Variants in CDC123 observed in about 807,000 individuals in gnomAD.
CDC123 encodes the protein cell division cycle 123.
Under a neutral mutation model 54.4 loss-of-function variants are expected in CDC123, and 37 were observed. The observed-to-expected ratio is 0.68, with a 90% CI of 0.52 to 0.89. The LOEUF (loss-of-function observed/expected upper bound fraction) is 0.89, where lower values mean the gene tolerates loss of function less well. CDC123 is among the 40% of genes least tolerant of loss of function. The pLI, the probability that CDC123 is intolerant of heterozygous loss-of-function variation, is 0.00. For synonymous variants in CDC123, 144 were observed against 136.8 expected, an observed-to-expected ratio of 1.05 and a Z score of -0.37; for missense variants, 361 against 412.1, an observed-to-expected ratio of 0.88 and a Z score of 1.07.
chr10:12,227,385 ATTG>A (rs1206695383), intron 6 of CDC123, among the ~76,000 whole-genome samples: 12 of 152,054 alleles, frequency 7.9e-5, no homozygotes, highest in African/African-American at 2.9e-4. Flanking sequence ...CCTCTGGTCT[ATTG>A]TTCTCTTACA....
At chr10:12,216,844 A>T (rs1261599374) in intron 5 of CDC123, among the ~76,000 whole-genome samples, 1 of 152,188 alleles carries the variant, frequency 6.6e-6, no homozygotes, top group Non-Finnish European at 1.5e-5. Context: ...TGTATGAGAC[A>T]TTCACCATTT....
At chr10:12,248,747 G>A (rs956890441) in intron 11 of CDC123, among the ~76,000 whole-genome samples, 7 of 151,590 alleles carry the variant, frequency 4.6e-5, no homozygotes, top group African/African-American at 1.2e-4. Flanking sequence ...TGGAGGTTGC[G>A]ATGAGCTGAG....
rs2131771868 is a variant in CDC123, at chr10:12,246,282, A to G, written c.846+5A>G. ...GAAGTTGACGCTCAAGAGCAGGTAC[A>G]ACATTTTTAAGACAGATACAATGTA... On this transcript the variant is annotated splice_donor_5th_base_variant and intron_variant, in intron 11 of 12. Coordinates refer to ENST00000281141, the MANE Select transcript of CDC123 (RefSeq NM_006023.3). The G allele has an allele frequency of 6.2e-7, 1 of 1,614,052 alleles. No individual in the cohort carries two copies. Among genetic ancestry groups the G allele is most frequent in the Non-Finnish European group, 8.5e-7 (1 of 1,179,958 alleles).
chr10:12,231,133 T>A lies in CDC123; in HGVS notation c.489+137T>A, dbSNP rs183755337. The stretch of plus-strand genomic sequence containing the variant: ...CCTAAAGCCACTGAAATTTTAAATT[T>A]ATGAAATATACACATAAAAGGATAT... On this transcript the variant is annotated intron_variant, in intron 7 of 12. Transcript: ENST00000281141. The A allele has an allele frequency of 4.1e-4, 280 of 683,472 alleles. No individual in the cohort carries two copies. In the African/African-American group the frequency reaches 4.7e-3, roughly 11 times the overall value. 42.3% of individuals were successfully genotyped at this position (683,472 alleles called of 1,614,324 possible).
rs1358284438 is a variant in CDC123, at chr10:12,198,672, A to G, written c.75-33A>G. On this transcript the variant is annotated intron_variant, in intron 1 of 12. Transcript: ENST00000281141. The stretch of plus-strand genomic sequence containing the variant: ...TCTCTCTGCTTATAGTTGGTCTTTT[A>G]AAATGATGCCTTTTTTGGTGTTTTT... The G allele has an allele frequency of 4.1e-6, 5 of 1,231,638 alleles. No individual in the cohort carries two copies. The South Asian group carries it at 5.1e-5, about 13-fold the overall frequency. The allele number at this position is 1,231,638 out of a possible 1,614,324, so 76.3% of individuals were successfully genotyped here.
chr10:12,199,568 G>T (rs979027781), intron 2 of CDC123, among the ~76,000 whole-genome samples: 2 of 152,152 alleles, frequency 1.3e-5, no homozygotes, highest in African/African-American at 4.8e-5. Flanking sequence ...ATAAACATTT[G>T]TTGGATGAAG....
At chr10:12,227,497 C>CT (rs1230738222) in intron 6 of CDC123, among the ~76,000 whole-genome samples, 145 of 145,676 alleles carry the variant, frequency 1.0e-3, no homozygotes, top group Middle Eastern at 7.2e-3. Context: ...AATTTTCTGT[C>CT]TTTTTTTTTT....
chr10:12,211,250 C>G (rs113420840), intron 4 of CDC123, among the ~76,000 whole-genome samples: 23 of 152,164 alleles, frequency 1.5e-4, no homozygotes, highest in African/African-American at 5.6e-4. Flanking sequence ...CTTGAGTTGA[C>G]GGGAAAGTTT....
At chr10:12,230,831 C>T (rs1835891453) in intron 6 of CDC123, 117 bp from the exon 7 acceptor site, 2 of 929,782 alleles carry the variant, frequency 2.2e-6, no homozygotes, top group East Asian at 2.5e-5. Context: ...GAGTTAGTCT[C>T]CTGTTTCTGG....
chr10:12,223,700 T>G (rs1277246265), intron 6 of CDC123, among the ~76,000 whole-genome samples: 3 of 152,208 alleles, frequency 2.0e-5, no homozygotes, highest in Admixed American at 6.5e-5. Flanking sequence ...AAGCTAAGTC[T>G]TCTTTGAGCT....
chr10:12,234,505 C>T (rs932642724), intron 7 of CDC123, among the ~76,000 whole-genome samples: 1 of 152,226 alleles, frequency 6.6e-6, no homozygotes, highest in Non-Finnish European at 1.5e-5. Flanking sequence ...AGGCGTGAGC[C>T]TCCGCACCTG....
intron 4 of CDC123, 111 bp downstream of exon 4, chr10:12,210,433 T>G: frequency 7.8e-7 from 1 of 1,289,152 alleles, no homozygotes; most frequent in Non-Finnish European, 1.1e-6. Flanking sequence ...CACCATCTCA[T>G]ATATTATTTT....
chr10:12,234,358 CA>C (rs1316259604), intron 7 of CDC123, among the ~76,000 whole-genome samples: 1 of 152,234 alleles, frequency 6.6e-6, no homozygotes, highest in African/African-American at 2.4e-5. Flanking sequence ...GCTGGGATTA[CA>C]GGCACCCGCC....
At chr10:12,227,726 G>A (rs1054274836) in intron 6 of CDC123, among the ~76,000 whole-genome samples, 2 of 152,072 alleles carry the variant, frequency 1.3e-5, no homozygotes, top group African/African-American at 4.8e-5. Context: ...TCAAACTCCT[G>A]ACCTCGTGAT....
intron 2 of CDC123, among the ~76,000 whole-genome samples, chr10:12,209,303 C>A (rs1324782960): frequency 6.6e-6 from 1 of 152,152 alleles, no homozygotes; most frequent in Admixed American, 6.5e-5. Flanking sequence ...GCGGTGTGAT[C>A]TTAGGTCATT....
chr10:12,220,217 C>T (rs1835717971), intron 6 of CDC123, among the ~76,000 whole-genome samples: 1 of 152,188 alleles, frequency 6.6e-6, no homozygotes, highest in Non-Finnish European at 1.5e-5. Flanking sequence ...CTATAAATTG[C>T]TTTTAATTCT....
chr10:12,197,975 T>C (rs1412882829), intron 1 of CDC123, among the ~76,000 whole-genome samples: 1 of 152,172 alleles, frequency 6.6e-6, no homozygotes, highest in Admixed American at 6.5e-5. Flanking sequence ...TTTCCACTTT[T>C]TGAAGATGTA....
chr10:12,232,909 G>A lies in CDC123; in HGVS notation c.489+1913G>A, dbSNP rs541300355. ...CAAGGAGCTGGGATTACAGGCACCC[G>A]CCACTCCGCCTGGCTAATTTTTTGT... On this transcript the variant is annotated intron_variant, in intron 7 of 12. Transcript: ENST00000281141. Among the ~76,000 whole-genome samples, 142 of 151,654 alleles carry A rather than the reference G, an allele frequency of 9.4e-4. 1 individual carries two copies. Among genetic ancestry groups the A allele is most frequent in the African/African-American group, 3.3e-3 (135 of 41,356 alleles).
chr10:12,205,135 T>G (rs1275322093), intron 2 of CDC123, among the ~76,000 whole-genome samples: 1 of 152,160 alleles, frequency 6.6e-6, no homozygotes, highest in Non-Finnish European at 1.5e-5. Flanking sequence ...ATGAGTTCAA[T>G]TAGTTTTTAG....
Sources: allele counts gnomAD v4.1 joint callset (sites outside exome capture counted in the v4.1 genomes callset), GRCh38; gene constraint gnomAD v4.1.1; transcripts MANE v1.5; gene names NCBI Gene and HGNC (gene_info 2026-07-23, HGNC 2026-07-21).